HES4: variants seen among roughly 807,000 people sequenced by gnomAD.
HES4 encodes transcription factor HES-4.
HES4 carries 17 observed loss-of-function variants against 10.7 expected under a neutral mutation model. The observed-to-expected ratio is 1.59, with a 90% confidence interval of 1.09 to 2.38. HES4 has a LOEUF of 2.38. Ranked by LOEUF, HES4 falls within the 30% of genes most tolerant of loss-of-function variation. The pLI, the probability that HES4 is intolerant of heterozygous loss-of-function variation, is 0.00. For missense variants in HES4, 389 were observed against 332.1 expected, an observed-to-expected ratio of 1.17 and a Z score of -1.33; for synonymous variants, 189 against 159.7, an observed-to-expected ratio of 1.18 and a Z score of -1.38.
chr1:999,776 C>A lies in HES4; in HGVS notation c.120G>T (p.Pro40=). 6.2e-7 allele frequency: 1 copy of A among 1,611,790 alleles called. No individual in the cohort carries two copies. Among genetic ancestry groups the A allele is most frequent in the Non-Finnish European group, 8.5e-7 (1 of 1,179,518 alleles). The change falls in exon 2 of 4, where the codon CCG becomes CCT. Residue 40 remains proline (P), a synonymous_variant. Coordinates refer to ENST00000304952, the MANE Select transcript of HES4 (RefSeq NM_021170.4). ...SAAEHRKSSK[P]VMEKRRRARI... ...GCGCTCGGCGCCGCTTCTCCATGAC[C>A]GGCTTGGAGGACTGCGGGTCGGGCA...
In HES4 at chr1:999,736, G is replaced by C; in HGVS notation, c.160C>G (p.Leu54Val). 2.5e-6 allele frequency: 4 copies of C among 1,611,960 alleles called. No individual in the cohort carries two copies. Among genetic ancestry groups the C allele is most frequent in the Non-Finnish European group, 3.4e-6 (4 of 1,179,514 alleles). ...KRRRARINESLAQLKTLILDA... is the reference protein window; with the variant it reads ...KRRRARINESVAQLKTLILDA... ...AGGATGAGGGTTTTGAGCTGAGCGAGGCTCTCGTTAATACGCGCTCGGCGC... is the reference window on the plus strand; with the variant it reads ...AGGATGAGGGTTTTGAGCTGAGCGACGCTCTCGTTAATACGCGCTCGGCGC... The change falls in exon 2 of 4, where the codon CTC (leucine) becomes GTC (valine). Residue 54 changes from leucine to valine, a missense_variant. Transcript: ENST00000304952.
At chr1:999,476 G>A (rs1282771790) in intron 3 of HES4, 44 bp from the exon 4 acceptor site, 3 of 1,559,330 alleles carry the variant, frequency 1.9e-6, no homozygotes, top group Admixed American at 3.9e-5. Flanking sequence ...CGGGTCCCGG[G>A]GGTCCCGCGC....
At position 999,199 on chromosome 1, in the gene HES4, G is replaced by T; in HGVS notation, c.526C>A (p.Arg176Ser). The T allele has an allele frequency of 7.9e-7, 1 of 1,266,804 alleles. No individual in the cohort carries two copies. The highest frequency in any genetic ancestry group is 2.9e-5 in the South Asian group (1 of 34,314). The allele number at this position is 1,266,804 out of a possible 1,614,324, so 78.5% of individuals were successfully genotyped here. A position where few individuals can be genotyped will look rare whatever the true frequency, so the allele number is the denominator to read the frequency against. The change falls in exon 4 of 4, where the codon CGC becomes AGC. Residue 176 changes from arginine (R) to serine (S), a missense_variant. Transcript: ENST00000304952. Reference protein sequence around the residue: ...EAPAPEVYAGRPLLPSLGGPF... With the variant: ...EAPAPEVYAGSPLLPSLGGPF... ...CCGCCGAGCGATGGCAGCAGCGGGC[G>T]GCCCGCGTAGACCTCGGGCGCTGGG...
rs2100526978 is a variant in HES4, at chr1:999,441, G to T, written c.293-9C>A. 6.6e-7 allele frequency: 1 copy of T among 1,519,264 alleles called. No individual in the cohort carries two copies. The highest frequency in any genetic ancestry group is 2.6e-5 in the East Asian group (1 of 39,208). The allele number at this position is 1,519,264 out of a possible 1,614,324, so 94.1% of individuals were successfully genotyped here. On this transcript the variant is annotated splice_polypyrimidine_tract_variant and intron_variant, in intron 3 of 3. Transcript: ENST00000304952. ...GTCGGCGCTGAGCGCGGCTGCGGGA[G>T]CGACACAGGAGGAGAGGTCGGTGCC...
chr1:999,606 C>A lies in HES4; in HGVS notation c.212G>T (p.Arg71Leu). The change falls in exon 3 of 4, where the codon CGC becomes CTC. Residue 71 changes from arginine (R) to leucine (L), a missense_variant. Physicochemically the swap from Arg to Leu is moderately radical, Grantham distance 102. Transcript: ENST00000304952. ...GTCCGCCTTCTCCAGCTTCGAGTGGCGGGAGCTCTGGGGGCGGGGATAGGC... is the reference window on the plus strand; with the variant it reads ...GTCCGCCTTCTCCAGCTTCGAGTGGAGGGAGCTCTGGGGGCGGGGATAGGC... ...ILDALRKESS[R>L]HSKLEKADIL... The A allele has an allele frequency of 6.2e-7, 1 of 1,606,198 alleles. No homozygotes were observed.
At chr1:999,814 C>T (rs1644001677) in intron 1 of HES4, 27 bp from the exon 2 acceptor site, 1 of 1,606,890 alleles carries the variant, frequency 6.2e-7, no homozygotes, top group Non-Finnish European at 8.5e-7. Context: ...GGCTGAGTCC[C>T]GCGTCCCTCC....
chr1:999,878 G>T lies in HES4; in HGVS notation c.96C>A (p.Ala32=), dbSNP rs1012038045. The change falls in exon 1 of 4, where the codon GCC becomes GCA. Residue 32 remains alanine (A), a synonymous_variant. Transcript: ENST00000304952. ...GCCGGGACCCCACCTTGCGGTGCTC[G>T]GCCGCGCTCCGGGGCTTGTCTGGGG... The part of the protein sequence containing the change: ...SRTPDKPRSA[A]EHRKSSKPVM... 7.2e-6 allele frequency: 11 copies of T among 1,535,580 alleles called. No individual in the cohort carries two copies. Among genetic ancestry groups the T allele is most frequent in the Admixed American group, 4.0e-5 (2 of 50,076 alleles).
intron 2 of HES4, 21 bp downstream of exon 2, chr1:999,671 G>A (rs780296768): frequency 2.5e-6 from 4 of 1,611,538 alleles, no homozygotes; most frequent in Non-Finnish European, 3.4e-6. Context: ...TCCGGGTCTC[G>A]GGCCTTCGCC....
intron 3 of HES4, 30 bp from the exon 4 acceptor site, chr1:999,462 G>T (rs887879536): frequency 1.3e-6 from 2 of 1,556,816 alleles, no homozygotes; most frequent in African/African-American, 1.4e-5. Flanking sequence ...GGAGAGGTCG[G>T]TGCCGGGTCC....
Position 999,740 on chromosome 1 carries a change from C to G in HES4, c.156G>C (p.Glu52Asp), listed in dbSNP as rs1382575199. Residue 52 changes from glutamate (E) to aspartate (D), a missense_variant, in exon 2 of 4, where the codon GAG (glutamate) becomes GAC (aspartate). Glu to Asp is a conservative substitution (Grantham distance 45, BLOSUM62 2). Transcript: ENST00000304952. ...MEKRRRARIN[E>D]SLAQLKTLIL... ...TGAGGGTTTTGAGCTGAGCGAGGCTCTCGTTAATACGCGCTCGGCGCCGCT... is the reference window on the plus strand; with the variant it reads ...TGAGGGTTTTGAGCTGAGCGAGGCTGTCGTTAATACGCGCTCGGCGCCGCT... 6.2e-7 allele frequency: 1 copy of G among 1,611,780 alleles called. No homozygotes were observed. Among genetic ancestry groups the G allele is most frequent in the Non-Finnish European group, 8.5e-7 (1 of 1,179,516 alleles).
rs372730257 is a variant in HES4, at chr1:999,209, G to C, written c.516C>G (p.Val172=). ...ATGGCAGCAGCGGGCGGCCCGCGTA[G>C]ACCTCGGGCGCTGGGGCCTCTGCGG... is the stretch of plus-strand genomic sequence containing the variant. ...AAPAEAPAPE[V]YAGRPLLPSL... Residue 172 remains valine, a synonymous_variant, in exon 4 of 4, where the codon GTC becomes GTG. Coordinates refer to ENST00000304952, the MANE Select transcript of HES4 (RefSeq NM_021170.4). 3 of 1,296,812 alleles carry C rather than the reference G, an allele frequency of 2.3e-6. No homozygotes were observed. In the South Asian group the frequency reaches 7.2e-5, roughly 31 times the overall value. The allele number at this position is 1,296,812 out of a possible 1,614,324, so 80.3% of individuals were successfully genotyped here.
chr1:999,779 C>A lies in HES4; in HGVS notation c.117G>T (p.Lys39Asn), dbSNP rs759783095. 1 of 1,611,486 alleles carries A rather than the reference C, an allele frequency of 6.2e-7. No homozygotes were observed. The highest frequency in any genetic ancestry group is 1.1e-5 in the South Asian group (1 of 90,810). The stretch of plus-strand genomic sequence containing the variant: ...CTCGGCGCCGCTTCTCCATGACCGG[C>A]TTGGAGGACTGCGGGTCGGGCACCG... ...RSAAEHRKSSKPVMEKRRRAR... is the reference protein window; with the variant it reads ...RSAAEHRKSSNPVMEKRRRAR... The change falls in exon 2 of 4, where the codon AAG becomes AAT. Residue 39 changes from lysine (K) to asparagine (N), a missense_variant. Transcript: ENST00000304952.
intron 1 of HES4, 23 bp downstream of exon 1, chr1:999,843 C>A: frequency 6.3e-7 from 1 of 1,587,222 alleles, no homozygotes; most frequent in Non-Finnish European, 8.6e-7. Context: ...GGTCGCCCCC[C>A]TCACGCCCGG....
rs1282836215 is a variant in HES4 at position 999,979 on chromosome 1, GC to G, written c.-7del. ...CCCGGCGTGTCTGCGGCCATGGTGC[GC>G]CCCGCGCCTCCCCGTGCCGGGTGGA... On this transcript the variant is annotated 5_prime_UTR_variant, in exon 1 of 4. Coordinates refer to ENST00000304952, the MANE Select transcript of HES4 (RefSeq NM_021170.4). The G allele has an allele frequency of 7.1e-7, 1 of 1,403,640 alleles. No individual in the cohort carries two copies. Among genetic ancestry groups the G allele is most frequent in the Middle Eastern group, 2.5e-4 (1 of 3,948 alleles). The allele number at this position is 1,403,640 out of a possible 1,614,324, so 86.9% of individuals were successfully genotyped here.
intron 3 of HES4, 39 bp downstream of exon 3, chr1:999,487 C>T: frequency 6.4e-7 from 1 of 1,559,456 alleles, no homozygotes. Context: ...GGTCCCGCGC[C>T]CTCCCCCCGC....
At position 999,978 on chromosome 1, in the gene HES4, C is replaced by T. The variant is rs1457483518; in HGVS notation, c.-5G>A. 1.6e-5 allele frequency: 22 copies of T among 1,403,634 alleles called. No individual in the cohort carries two copies. Among genetic ancestry groups the T allele is most frequent in the Non-Finnish European group, 1.9e-5 (21 of 1,087,632 alleles). The allele number at this position is 1,403,634 out of a possible 1,614,324, so 86.9% of individuals were successfully genotyped here. A position where few individuals can be genotyped will look rare whatever the true frequency, so the allele number is the denominator to read the frequency against. Reference sequence around the variant, plus strand: ...CCCCGGCGTGTCTGCGGCCATGGTGCGCCCCGCGCCTCCCCGTGCCGGGTG... The same window carrying T: ...CCCCGGCGTGTCTGCGGCCATGGTGTGCCCCGCGCCTCCCCGTGCCGGGTG... On this transcript the variant is annotated 5_prime_UTR_variant, in exon 1 of 4. Coordinates refer to ENST00000304952, the MANE Select transcript of HES4 (RefSeq NM_021170.4).
Position 999,340 on chromosome 1 carries a change from C to A in HES4, c.385G>T (p.Glu129Ter), listed in dbSNP as rs1485723626. The A allele has an allele frequency of 6.7e-7, 1 of 1,483,510 alleles. No individual in the cohort carries two copies. Among genetic ancestry groups the A allele is most frequent in the Non-Finnish European group, 8.9e-7 (1 of 1,125,056 alleles). The allele number at this position is 1,483,510 out of a possible 1,614,324, so 91.9% of individuals were successfully genotyped here. ...GAGCGCACGTCGGCCGGGACGCCCT[C>A]GCAGCCGGCCAGGAAGCGGTTCACC... ...AEVNRFLAGC[E>*]GVPADVRSRL... is the part of the protein sequence containing the mutation. The change falls in exon 4 of 4, where the codon GAG (glutamate) becomes TAG (stop). Residue 129 changes from glutamate to a stop codon, truncating the protein, a stop_gained. Transcript: ENST00000304952. LOFTEE classifies it low-confidence loss of function (END_TRUNC).
At position 999,166 on chromosome 1, in the gene HES4, G is replaced by C. The variant is rs945172490; in HGVS notation, c.559C>G (p.Pro187Ala). ...GGCAGCAGCGGCGGCGCGAGCAGAG[G>C]GAAGGGGCCGCCGAGCGATGGCAGC... ...PLLPSLGGPFPLLAPPLLPGL... is the reference protein window; with the variant it reads ...PLLPSLGGPFALLAPPLLPGL... The change falls in exon 4 of 4, where the codon CCT (proline) becomes GCT (alanine). Residue 187 changes from proline (P) to alanine (A), a missense_variant. Pro to Ala is a conservative substitution (Grantham distance 27). Coordinates refer to ENST00000304952, the MANE Select transcript of HES4 (RefSeq NM_021170.4). The C allele has an allele frequency of 1.6e-6, 2 of 1,251,168 alleles. No homozygotes were observed. The highest frequency in any genetic ancestry group is 2.0e-6 in the Non-Finnish European group (2 of 1,001,350). 77.5% of individuals were successfully genotyped at this position (1,251,168 alleles called of 1,614,324 possible).
At position 999,392 on chromosome 1, in the gene HES4, G is replaced by A; in HGVS notation, c.333C>T (p.Arg111=). 1.3e-6 allele frequency: 2 copies of A among 1,508,610 alleles called. No homozygotes were observed. Among genetic ancestry groups the A allele is most frequent in the Non-Finnish European group, 1.8e-6 (2 of 1,141,036 alleles). 93.5% of individuals were successfully genotyped at this position (1,508,610 alleles called of 1,614,324 possible). ...SADPAVLGKY[R]AGFHECLAEV... ...CCGCCAGACACTCGTGGAAGCCGGCGCGGTACTTGCCCAGAACGGCGGGGT... is the reference window on the plus strand; with the variant it reads ...CCGCCAGACACTCGTGGAAGCCGGCACGGTACTTGCCCAGAACGGCGGGGT... The change falls in exon 4 of 4, where the codon CGC becomes CGT. Residue 111 remains arginine, a synonymous_variant. Transcript: ENST00000304952.
Sources: gnomAD v4.1 joint callset for allele counts on GRCh38, gnomAD v4.1.1 for gene constraint, MANE v1.5 for transcripts, NCBI Gene and HGNC (gene_info 2026-07-23, HGNC 2026-07-21) for gene names.